Variants in ZNF536 observed in about 807,000 individuals in gnomAD.
The protein encoded by ZNF536 is zinc finger protein 536.
ZNF536 carries 13 observed loss-of-function variants against 84.5 expected under a neutral mutation model. That is an observed-to-expected ratio of 0.15 (90% CI 0.10 to 0.24). The LOEUF (loss-of-function observed/expected upper bound fraction) is 0.24. Among genes scored for constraint, ZNF536 ranks in the 10% least tolerant of loss-of-function variants. The probability of loss-of-function intolerance (pLI) is 1.00; values close to 1 mark genes in which losing one functional copy is unlikely to be tolerated. For synonymous variants in ZNF536, 811 were observed against 742.5 expected, an observed-to-expected ratio of 1.09 and a Z score of -1.50; for missense variants, 1,536 against 1,747.5, an observed-to-expected ratio of 0.88 and a Z score of 2.16.
At chr19:30,412,965 T>C (rs2050557266) in intron 1 of ZNF536, among the ~76,000 whole-genome samples, 1 of 151,976 alleles carries the variant, frequency 6.6e-6, no homozygotes, top group Non-Finnish European at 1.5e-5. Flanking sequence ...ATAATTTTTT[T>C]AGACAATTCA....
At chr19:30,601,835 G>T (rs920534379) in intron 1 of ZNF536, among the ~76,000 whole-genome samples, 2 of 152,234 alleles carry the variant, frequency 1.3e-5, no homozygotes, top group Admixed American at 6.5e-5. Context: ...GCTGAAGGGT[G>T]TGGTGGCACC....
chr19:30,524,710 C>T (rs1266617123), intron 2 of ZNF536, among the ~76,000 whole-genome samples: 1 of 152,144 alleles, frequency 6.6e-6, no homozygotes, highest in Non-Finnish European at 1.5e-5. Flanking sequence ...CTCCTCCACC[C>T]CCACCCAAAC....
chr19:30,563,151 C>T (rs769100132), intron 1 of ZNF536, among the ~76,000 whole-genome samples: 31 of 152,230 alleles, frequency 2.0e-4, no homozygotes, highest in Non-Finnish European at 3.2e-4. Flanking sequence ...GCTAAAACCC[C>T]GCTGAGTGGC....
chr19:30,682,883 G>A (rs774612490), intron 1 of ZNF536, among the ~76,000 whole-genome samples: 4 of 152,160 alleles, frequency 2.6e-5, no homozygotes, highest in Non-Finnish European at 5.9e-5. Flanking sequence ...CCTTCACTCT[G>A]GTCTCCATGA....
At chr19:30,699,287 G>A (rs1438455537) in intron 1 of ZNF536, among the ~76,000 whole-genome samples, 1 of 152,076 alleles carries the variant, frequency 6.6e-6, no homozygotes, top group Non-Finnish European at 1.5e-5. Context: ...GACAGAATAA[G>A]GAAATATATG....
At chr19:30,388,667 T>G (rs2049449595) in intron 1 of ZNF536, among the ~76,000 whole-genome samples, 1 of 152,242 alleles carries the variant, frequency 6.6e-6, no homozygotes, top group Non-Finnish European at 1.5e-5. Flanking sequence ...TTTTCTTGCA[T>G]GCCAAGGCTG....
At chr19:30,302,713 C>T (rs570443633) in intron 2 of ZNF536, among the ~76,000 whole-genome samples, 26 of 152,104 alleles carry the variant, frequency 1.7e-4, no homozygotes, top group Non-Finnish European at 3.4e-4. Flanking sequence ...CCACCTTCCA[C>T]GCATTTTCTC....
At position 30,548,194 on chromosome 19, in the gene ZNF536, T is replaced by G; in HGVS notation, c.2575T>G (p.Trp859Gly). The G allele has an allele frequency of 6.2e-7, 1 of 1,614,158 alleles. No individual in the cohort carries two copies. Among genetic ancestry groups the G allele is most frequent in the Non-Finnish European group, 8.5e-7 (1 of 1,180,028 alleles). Residue 859 changes from tryptophan (W) to glycine (G), a missense_variant, in exon 4 of 5, where the codon TGG becomes GGG. By Grantham distance (184) the Trp-to-Gly change is radical. Coordinates refer to ENST00000355537, the MANE Select transcript of ZNF536 (RefSeq NM_014717.3). ...DFRGGPASQQ[W>G]TSGVLSSGDH... is the part of the protein sequence containing the mutation. Reference sequence around the variant, plus strand: ...CAGAGGAGGCCCTGCATCTCAGCAGTGGACATCAGGGGTTCTCTCCTCTGG... The same window carrying G: ...CAGAGGAGGCCCTGCATCTCAGCAGGGGACATCAGGGGTTCTCTCCTCTGG...
At chr19:30,389,803 G>A (rs1177913905) in intron 1 of ZNF536, among the ~76,000 whole-genome samples, 1 of 152,136 alleles carries the variant, frequency 6.6e-6, no homozygotes, top group Non-Finnish European at 1.5e-5. Flanking sequence ...AGCTGCTGTG[G>A]GCCCCTCCAG....
chr19:30,399,795 C>T (rs1160251956), intron 1 of ZNF536, among the ~76,000 whole-genome samples: 1 of 148,586 alleles, frequency 6.7e-6, no homozygotes, highest in East Asian at 2.0e-4. Context: ...TCAAGCGATT[C>T]TCCTGCCTCA....
intron 1 of ZNF536, among the ~76,000 whole-genome samples, chr19:30,397,059 C>T (rs909187314): frequency 6.6e-6 from 1 of 152,188 alleles, no homozygotes; most frequent in Non-Finnish European, 1.5e-5. Flanking sequence ...CAAACCTGGG[C>T]ACTTAATACT....
intron 1 of ZNF536, among the ~76,000 whole-genome samples, chr19:30,662,610 T>C (rs2147599489): frequency 6.6e-6 from 1 of 152,270 alleles, no homozygotes; most frequent in Middle Eastern, 3.4e-3. Flanking sequence ...TGAACTACGA[T>C]AATACCTGGT....
chr19:30,297,898 C>T (rs964017336), intron 2 of ZNF536, among the ~76,000 whole-genome samples: 4 of 130,294 alleles, frequency 3.1e-5, no homozygotes, highest in Non-Finnish European at 4.6e-5. Flanking sequence ...TTTCTCAAGA[C>T]GGAGTCCCCC....
chr19:30,618,205 G>C (rs1395596687), intron 1 of ZNF536, among the ~76,000 whole-genome samples: 1 of 152,150 alleles, frequency 6.6e-6, no homozygotes, highest in Non-Finnish European at 1.5e-5. Context: ...GCCCCACTTA[G>C]GTAATTGGGT....
At chr19:30,564,137 A>G (rs1309916786) in intron 1 of ZNF536, among the ~76,000 whole-genome samples, 1 of 152,134 alleles carries the variant, frequency 6.6e-6, no homozygotes, top group African/African-American at 2.4e-5. Flanking sequence ...GAGAAGAAGG[A>G]GGAGGATTAA....
intron 2 of ZNF536, among the ~76,000 whole-genome samples, chr19:30,347,050 T>C (rs1057011061): frequency 6.6e-6 from 1 of 152,034 alleles, no homozygotes; most frequent in African/African-American, 2.4e-5. Context: ...TGGTGTGAGA[T>C]GGTATTTCAC....
chr19:30,657,000 A>T (rs556743582), intron 1 of ZNF536, among the ~76,000 whole-genome samples: 1 of 152,312 alleles, frequency 6.6e-6, no homozygotes, highest in Admixed American at 6.5e-5. Context: ...GCCCTTTTGC[A>T]GGGACACTAG....
At chr19:30,435,316 G>A (rs2051686303) in intron 1 of ZNF536, among the ~76,000 whole-genome samples, 1 of 151,332 alleles carries the variant, frequency 6.6e-6, no homozygotes, top group Admixed American at 6.6e-5. Context: ...TGATGCTGGT[G>A]ATGGTGGTGA....
Position 30,550,098 on chromosome 19 carries a change from G to A in ZNF536, c.3895+584G>A, listed in dbSNP as rs566834707. Among the ~76,000 whole-genome samples, 160 of 152,310 alleles carry A rather than the reference G, an allele frequency of 1.1e-3. 2 individuals carry two copies. The highest frequency in any genetic ancestry group is 3.8e-3 in the African/African-American group (157 of 41,570). On this transcript the variant is annotated intron_variant, in intron 4 of 4. Transcript: ENST00000355537. ...AGACAAACCAAATGGCAGTTACTGT[G>A]ACTTTGGCCTTCTGCGCTTGCCTTC...
Sources: allele counts gnomAD v4.1 joint callset (sites outside exome capture counted in the v4.1 genomes callset), GRCh38; gene constraint gnomAD v4.1.1; transcripts MANE v1.5; gene names NCBI Gene and HGNC (gene_info 2026-07-23, HGNC 2026-07-21).